Variants in MYO5A observed in about 807,000 individuals in gnomAD.
MYO5A encodes the protein myosin VA.
Under a neutral mutation model 249.7 loss-of-function variants are expected in MYO5A, and 98 were observed. That is an observed-to-expected ratio of 0.39 (90% CI 0.33 to 0.46). MYO5A has a LOEUF of 0.46. MYO5A is among the 20% of genes least tolerant of loss of function. The pLI is 0.98. For synonymous variants in MYO5A, 778 were observed against 810.6 expected (o/e 0.96, Z 0.68); for missense variants, 1,696 against 2,308.8 (o/e 0.73, Z 5.44).
chr15:52,455,546 T>G (rs539424497), intron 1 of MYO5A, among the ~76,000 whole-genome samples: 1 of 151,980 alleles, frequency 6.6e-6, no homozygotes, highest in African/African-American at 2.4e-5. Flanking sequence ...TGAATACAGA[T>G]GCAAAAATTC....
chr15:52,318,900 C>T (rs190245275), intron 39 of MYO5A, among the ~76,000 whole-genome samples, 160 bp downstream of exon 39: 83 of 152,308 alleles, frequency 5.4e-4, no homozygotes, highest in African/African-American at 1.9e-3. Flanking sequence ...TCCAGCCAGG[C>T]AAGGGAAAGT....
chr15:52,483,675 A>C (rs2076761103), intron 1 of MYO5A, among the ~76,000 whole-genome samples: 1 of 152,216 alleles, frequency 6.6e-6, no homozygotes, highest in Non-Finnish European at 1.5e-5. Flanking sequence ...CTATGGATTA[A>C]GGTATTTTAA....
chr15:52,368,706 A>G (rs1014905081), intron 22 of MYO5A, among the ~76,000 whole-genome samples: 1 of 152,206 alleles, frequency 6.6e-6, no homozygotes, highest in East Asian at 1.9e-4. Context: ...GGAGTTCAAG[A>G]CCAGCCTACA....
chr15:52,437,594 CAAAAAAAAA>C (rs57299562), intron 1 of MYO5A, among the ~76,000 whole-genome samples: 9 of 73,908 alleles, frequency 1.2e-4, no homozygotes, highest in African/African-American at 4.0e-4. Flanking sequence ...GACTCCATCT[CAAAAAAAAA>C]AAAAAAAAAA....
At chr15:52,525,803 A>G (rs2077719941) in intron 1 of MYO5A, among the ~76,000 whole-genome samples, 1 of 152,092 alleles carries the variant, frequency 6.6e-6, no homozygotes, top group African/African-American at 2.4e-5. Context: ...GTCCCAACCC[A>G]TTCCCTAACT....
chr15:52,317,004 T>C (rs763038491), intron 40 of MYO5A, 44 bp downstream of exon 40: 8 of 1,582,064 alleles, frequency 5.1e-6, no homozygotes, highest in East Asian at 2.2e-5. Flanking sequence ...AAGATCATCT[T>C]TGATGAATGT....
chr15:52,330,284 G>C, intron 35 of MYO5A, 69 bp downstream of exon 35: 1 of 1,590,718 alleles, frequency 6.3e-7, no homozygotes, highest in East Asian at 2.2e-5. Context: ...TCAAAAATTA[G>C]TGACTAGTTT....
At position 52,383,683 on chromosome 15, in the gene MYO5A, G is replaced by A. The variant is rs1032032903; in HGVS notation, c.1914+478C>T. Reference sequence around the variant, plus strand: ...TGGACCTGGGTCAGGCCCTGTTTCTGTCTACACCAGGCACAGGGTCCCATG... The same window carrying A: ...TGGACCTGGGTCAGGCCCTGTTTCTATCTACACCAGGCACAGGGTCCCATG... On this transcript the variant is annotated intron_variant, in intron 15 of 41. Transcript: ENST00000399233. 4.6e-5 allele frequency among the ~76,000 whole-genome samples: 7 copies of A among 152,052 alleles called. No homozygotes were observed. In the South Asian group the frequency reaches 1.2e-3, roughly 27 times the overall value.
At chr15:52,447,943 T>C (rs1005152285) in intron 1 of MYO5A, among the ~76,000 whole-genome samples, 1 of 152,244 alleles carries the variant, frequency 6.6e-6, no homozygotes, top group South Asian at 2.1e-4. Flanking sequence ...CACAGAAGCC[T>C]GCTGCAGAGG....
At chr15:52,489,153 T>C (rs2076883536) in intron 1 of MYO5A, among the ~76,000 whole-genome samples, 1 of 152,204 alleles carries the variant, frequency 6.6e-6, no homozygotes, top group South Asian at 2.1e-4. Context: ...GCTAAAACTG[T>C]AAGACTCTTA....
chr15:52,393,216 A>G (rs2042330507), intron 11 of MYO5A, among the ~76,000 whole-genome samples: 1 of 152,000 alleles, frequency 6.6e-6, no homozygotes, highest in South Asian at 2.1e-4. Flanking sequence ...TTTTTGTGGG[A>G]AGAAAAGACT....
intron 22 of MYO5A, among the ~76,000 whole-genome samples, chr15:52,367,797 A>G (rs556149885): frequency 3.3e-5 from 5 of 152,008 alleles, no homozygotes; most frequent in Admixed American, 2.6e-4. Context: ...AACAATGTCA[A>G]TGTACTTAAT....
At chr15:52,362,111 G>C (rs1259740158) in intron 24 of MYO5A, among the ~76,000 whole-genome samples, 1 of 152,160 alleles carries the variant, frequency 6.6e-6, no homozygotes, top group Non-Finnish European at 1.5e-5. Flanking sequence ...AATGTTCTTG[G>C]AGAAAAATGC....
chr15:52,345,336 C>G (rs919157940), intron 30 of MYO5A, among the ~76,000 whole-genome samples: 1 of 152,036 alleles, frequency 6.6e-6, no homozygotes, highest in Non-Finnish European at 1.5e-5. Flanking sequence ...AATCCTAGCA[C>G]GTTGGGAGGC....
intron 40 of MYO5A, 32 bp from the exon 41 acceptor site, chr15:52,314,235 C>T: frequency 6.6e-7 from 1 of 1,509,710 alleles, no homozygotes; most frequent in Non-Finnish European, 9.2e-7. Context: ...AAGTTTTTGG[C>T]ATATTATCAA....
At chr15:52,445,392 C>T (rs777728093) in intron 1 of MYO5A, among the ~76,000 whole-genome samples, 2 of 152,110 alleles carry the variant, frequency 1.3e-5, no homozygotes, top group Non-Finnish European at 2.9e-5. Context: ...GCCTGCAGAA[C>T]CGTAAGCCAA....
At chr15:52,464,871 G>A (rs538025576) in intron 1 of MYO5A, among the ~76,000 whole-genome samples, 13 of 152,236 alleles carry the variant, frequency 8.5e-5, no homozygotes, top group Admixed American at 3.3e-4. Flanking sequence ...ATGATTAGTC[G>A]TTTTCCTAGT....
intron 28 of MYO5A, among the ~76,000 whole-genome samples, chr15:52,349,147 G>A (rs955849074): frequency 6.6e-6 from 1 of 152,118 alleles, no homozygotes; most frequent in East Asian, 1.9e-4. Context: ...GTTATTTGTG[G>A]GTGAAATTCT....
chr15:52,501,849 CACAG>C (rs1174926036), intron 1 of MYO5A, among the ~76,000 whole-genome samples: 2 of 144,446 alleles, frequency 1.4e-5, no homozygotes, highest in African/African-American at 5.2e-5. Flanking sequence ...TAGGCATACA[CACAG>C]ACACACACAC....
Sources: allele counts gnomAD v4.1 joint callset (sites outside exome capture counted in the v4.1 genomes callset), GRCh38; gene constraint gnomAD v4.1.1; transcripts MANE v1.5; gene names NCBI Gene and HGNC (gene_info 2026-07-23, HGNC 2026-07-21).